LBP: variants seen among roughly 807,000 people sequenced by gnomAD.
LBP encodes lipopolysaccharide-binding protein.
Under a neutral mutation model 56.6 loss-of-function variants are expected in LBP, and 53 were observed. The ratio of observed to expected loss-of-function variants is 0.94; its 90% confidence interval spans 0.75 to 1.18. The LOEUF (loss-of-function observed/expected upper bound fraction) is 1.18, where lower values mean the gene tolerates loss of function less well. Among genes scored for constraint, LBP ranks in the 50% most tolerant of loss-of-function variants. The pLI is 0.00. For synonymous variants in LBP, 227 were observed against 247.5 expected, an observed-to-expected ratio of 0.92 and a Z score of 0.78; for missense variants, 601 against 598.3, an observed-to-expected ratio of 1.00 and a Z score of -0.05.
chr20:38,376,542 C>T (rs1267400810), intron 14 of LBP, 83 bp from the exon 15 acceptor site: 18 of 1,259,382 alleles, frequency 1.4e-5, no homozygotes, highest in South Asian at 4.8e-5. Context: ...TTTCGTGAGA[C>T]GTGGGCTCCC....
chr20:38,373,913 T>C (rs1274272665), intron 13 of LBP, 24 bp from the exon 14 acceptor site: 1 of 1,605,002 alleles, frequency 6.2e-7, no homozygotes, highest in East Asian at 2.2e-5. Flanking sequence ...CCAATCTCTT[T>C]CAATGTTGTG....
chr20:38,356,474 C>T (rs2076841455), intron 5 of LBP, among the ~76,000 whole-genome samples: 1 of 148,494 alleles, frequency 6.7e-6, no homozygotes, highest in Non-Finnish European at 1.5e-5. Flanking sequence ...GTAGGTCCAA[C>T]CTCTGGTTTG....
intron 10 of LBP, 50 bp downstream of exon 10, chr20:38,369,212 T>A: frequency 6.5e-7 from 1 of 1,540,714 alleles, no homozygotes; most frequent in South Asian, 1.2e-5. Flanking sequence ...CCACATGCTT[T>A]TCCCTTTTCC....
Position 38,364,694 on chromosome 20 carries a change from C to T in LBP, c.863C>T (p.Thr288Met), listed in dbSNP as rs754610656. 3.1e-6 allele frequency: 5 copies of T among 1,614,038 alleles called. No individual in the cohort carries two copies. The highest frequency in any genetic ancestry group is 1.3e-5 in the African/African-American group (1 of 75,036). ...GCCATCTCGGATTATGTCTTCAACA[C>T]GGCCAGCCTGGTTTATCATGAGGAA... ...YFAISDYVFNTASLVYHEEGY... is the reference protein window; with the variant it reads ...YFAISDYVFNMASLVYHEEGY... Residue 288 changes from threonine to methionine, a missense_variant, in exon 8 of 15, where the codon ACG becomes ATG. Thr to Met is a moderately conservative substitution (Grantham distance 81). Coordinates refer to ENST00000217407, the MANE Select transcript of LBP (RefSeq NM_004139.5).
chr20:38,373,053 C>A lies in LBP; in HGVS notation c.1261-19C>A, dbSNP rs1290471433. 6.2e-7 allele frequency: 1 copy of A among 1,610,570 alleles called. No homozygotes were observed. The highest frequency in any genetic ancestry group is 8.5e-7 in the Non-Finnish European group (1 of 1,176,850). On this transcript the variant is annotated intron_variant, in intron 12 of 14. Transcript: ENST00000217407. The stretch of plus-strand genomic sequence containing the variant: ...TGGCCCTGTGGCGATGTAAATATAT[C>A]TCTCCTGTTCTCTTCCAGGCAGAGC...
chr20:38,359,056 T>C (rs1011957399), intron 5 of LBP, among the ~76,000 whole-genome samples: 1 of 152,200 alleles, frequency 6.6e-6, no homozygotes, highest in African/African-American at 2.4e-5. Context: ...ACAAATTCCA[T>C]CCCAGGTTTC....
At chr20:38,360,647 C>T (rs558989148) in intron 5 of LBP, 57 bp from the exon 6 acceptor site, 28 of 1,205,294 alleles carry the variant, frequency 2.3e-5, no homozygotes, top group Middle Eastern at 1.9e-4. Context: ...GTGATCAGCA[C>T]GGGGCCAGAC....
intron 7 of LBP, 137 bp downstream of exon 7, chr20:38,364,203 T>G (rs1600727612): frequency 1.5e-6 from 1 of 665,330 alleles, no homozygotes; most frequent in East Asian, 2.7e-5. Context: ...CCGGGTGATA[T>G]GGAGTGGTGG....
At chr20:38,358,905 T>A (rs974357906) in intron 5 of LBP, among the ~76,000 whole-genome samples, 4 of 152,214 alleles carry the variant, frequency 2.6e-5, no homozygotes, top group Admixed American at 6.5e-5. Context: ...TGAACCCAAA[T>A]GTTTTAATGG....
chr20:38,350,872 C>G lies in LBP; in HGVS notation c.301C>G (p.Leu101Val). Residue 101 changes from leucine (L) to valine (V), a missense_variant, in exon 3 of 15, where the codon CTG becomes GTG. By Grantham distance (32) the Leu-to-Val change is conservative. Coordinates refer to ENST00000217407, the MANE Select transcript of LBP (RefSeq NM_004139.5). ...SALRPVPGQG[L>V]SLSISDSSIR... ...GCTGAGGCCTGTCCCTGGCCAGGGC[C>G]TGAGTCTCAGCATCTCCGACTCCTC... 6.2e-7 allele frequency: 1 copy of G among 1,614,066 alleles called. No homozygotes were observed. The highest frequency in any genetic ancestry group is 1.1e-5 in the South Asian group (1 of 91,074).
intron 12 of LBP, among the ~76,000 whole-genome samples, chr20:38,371,900 G>C (rs569067923): frequency 6.6e-6 from 1 of 152,016 alleles, no homozygotes; most frequent in African/African-American, 2.4e-5. Flanking sequence ...ACTGTGGCCA[G>C]AAGTCAGCCC....
intron 12 of LBP, 108 bp downstream of exon 12, chr20:38,371,430 AT>A (rs912805632): frequency 1.2e-6 from 1 of 861,642 alleles, no homozygotes; most frequent in South Asian, 1.6e-5. Context: ...AGAAGAGTTG[AT>A]TTTTTGCCCT....
rs1220934591 is a variant in LBP at position 38,370,803 on chromosome 20, A to G, written c.1215A>G (p.Gly405=). ...AGATCACTGGGTTCCTGAAGCCAGG[A>G]AAGTAAGTTGGCCTCCTACCTACAT... is the stretch of plus-strand genomic sequence containing the variant. The part of the protein sequence containing the change: ...TSKITGFLKP[G]KVKVELKESK... The change falls in exon 11 of 15, where the codon GGA becomes GGG. Residue 405 remains glycine (G), a splice_region_variant and synonymous_variant. Transcript: ENST00000217407. 2 of 1,613,762 alleles carry G rather than the reference A, an allele frequency of 1.2e-6. No homozygotes were observed. Among genetic ancestry groups the G allele is most frequent in the Non-Finnish European group, 1.7e-6 (2 of 1,179,794 alleles).
chr20:38,354,349 G>C lies in LBP; in HGVS notation c.434G>C (p.Gly145Ala). 1 of 1,613,750 alleles carries C rather than the reference G, an allele frequency of 6.2e-7. No individual in the cohort carries two copies. Among genetic ancestry groups the C allele is most frequent in the Non-Finnish European group, 8.5e-7 (1 of 1,179,946 alleles). ...GISISVNLLL[G>A]SESSGRPTVT... ...AGCATTTCGGTCAACCTCCTGTTGG[G>C]CAGCGAGTCCTCCGGGAGGCCCACA... Residue 145 changes from glycine to alanine, a missense_variant, in exon 4 of 15, where the codon GGC becomes GCC. Physicochemically the swap from Gly to Ala is moderately conservative, Grantham distance 60. Coordinates refer to ENST00000217407, the MANE Select transcript of LBP (RefSeq NM_004139.5).
chr20:38,357,686 A>G (rs1280251403), intron 5 of LBP, among the ~76,000 whole-genome samples: 1 of 152,210 alleles, frequency 6.6e-6, no homozygotes, highest in Non-Finnish European at 1.5e-5. Flanking sequence ...TGGCTACTCC[A>G]CAGGCTAAGC....
intron 10 of LBP, among the ~76,000 whole-genome samples, chr20:38,369,646 G>A (rs559371326): frequency 2.6e-5 from 4 of 152,226 alleles, no homozygotes; most frequent in South Asian, 2.1e-4. Flanking sequence ...TCTTTACCAC[G>A]GCAGAGGCTC....
chr20:38,353,222 C>T (rs1441556429), intron 3 of LBP, among the ~76,000 whole-genome samples: 15 of 152,136 alleles, frequency 9.9e-5, no homozygotes. Flanking sequence ...CATTCAGTGG[C>T]ATGTAGTACA....
rs546284088 is a variant in LBP, at chr20:38,362,618, AG to A, written c.653-1356del. On this transcript the variant is annotated intron_variant, in intron 6 of 14. Coordinates refer to ENST00000217407, the MANE Select transcript of LBP (RefSeq NM_004139.5). ...ACAGAACAAGACTCTGTCTCAACAA[AG>A]AAAAAAAATAATAAATAATAAATAA... 3.7e-3 allele frequency among the ~76,000 whole-genome samples: 528 copies of A among 144,156 alleles called. 2 individuals are homozygous for A. Among genetic ancestry groups the A allele is most frequent in the African/African-American group, 0.013 (515 of 38,868 alleles). 94.6% of individuals were successfully genotyped at this position (144,156 alleles called of 152,430 possible).
rs145588209 is a variant in LBP at position 38,369,645 on chromosome 20, C to T, written c.1149+483C>T. On this transcript the variant is annotated intron_variant, in intron 10 of 14. Coordinates refer to ENST00000217407, the MANE Select transcript of LBP (RefSeq NM_004139.5). Reference sequence around the variant, plus strand: ...AGTACTATTTCCTCTTTCTTTACCACGGCAGAGGCTCTGGCTGTGACTATG... The same window carrying T: ...AGTACTATTTCCTCTTTCTTTACCATGGCAGAGGCTCTGGCTGTGACTATG... Among the ~76,000 whole-genome samples, 691 of 152,244 alleles carry T rather than the reference C, an allele frequency of 4.5e-3. 5 individuals carry two copies. Among genetic ancestry groups the T allele is most frequent in the African/African-American group, 0.015 (631 of 41,538 alleles).
Sources: allele counts gnomAD v4.1 joint callset (sites outside exome capture counted in the v4.1 genomes callset), GRCh38; gene constraint gnomAD v4.1.1; transcripts MANE v1.5; gene names NCBI Gene and HGNC (gene_info 2026-07-23, HGNC 2026-07-21).